ANK1: variants seen among roughly 807,000 people sequenced by gnomAD.
ANK1 encodes the protein ankyrin-1.
ANK1 carries 51 observed loss-of-function variants against 210.4 expected under a neutral mutation model. The observed-to-expected ratio is 0.24, with a 90% CI of 0.19 to 0.31. The LOEUF (loss-of-function observed/expected upper bound fraction) is 0.31, where lower values mean the gene tolerates loss of function less well. Ranked by LOEUF, ANK1 falls within the 10% of genes least tolerant of loss-of-function variation. ANK1 has a pLI of 1.00. For missense variants in ANK1, 2,051 were observed against 2,504.4 expected, an observed-to-expected ratio of 0.82 and a Z score of 3.86; for synonymous variants, 967 against 1,025.9, an observed-to-expected ratio of 0.94 and a Z score of 1.10.
chr8:41,679,491 T>C (rs1233959560), intron 37 of ANK1, among the ~76,000 whole-genome samples: 1 of 151,810 alleles, frequency 6.6e-6, no homozygotes, highest in Non-Finnish European at 1.5e-5. Flanking sequence ...GTGTTCTATC[T>C]GTGCAACTGT....
intron 41 of ANK1, 129 bp downstream of exon 41, chr8:41,661,747 A>G (rs759035444): frequency 1.2e-6 from 2 of 1,608,418 alleles, no homozygotes; most frequent in South Asian, 2.2e-5. Flanking sequence ...GGCCCGGCAG[A>G]GCAAGGCAGC....
chr8:41,784,028 A>T (rs1391054261), intron 1 of ANK1, among the ~76,000 whole-genome samples: 1 of 150,088 alleles, frequency 6.7e-6, no homozygotes, highest in Non-Finnish European at 1.5e-5. Flanking sequence ...CAGCCTAGGC[A>T]GACTTGGTGG....
chr8:41,881,757 C>A (rs989993865), intron 1 of ANK1, among the ~76,000 whole-genome samples: 1 of 152,190 alleles, frequency 6.6e-6, no homozygotes, highest in East Asian at 1.9e-4. Context: ...AGACATGTGA[C>A]GTGAGCAAGG....
intron 1 of ANK1, among the ~76,000 whole-genome samples, chr8:41,894,029 T>C (rs1819961428): frequency 1.3e-5 from 2 of 152,070 alleles, no homozygotes; most frequent in South Asian, 4.1e-4. Flanking sequence ...CTGCTTGTGA[T>C]TTTCAATTTT....
intron 1 of ANK1, among the ~76,000 whole-genome samples, chr8:41,861,654 A>G (rs1339823694): frequency 6.6e-6 from 1 of 152,208 alleles, no homozygotes; most frequent in Non-Finnish European, 1.5e-5. Context: ...AGCAGACCCT[A>G]CTGAGTCCAT....
At chr8:41,735,388 C>T (rs780360501) in intron 2 of ANK1, among the ~76,000 whole-genome samples, 6 of 152,136 alleles carry the variant, frequency 3.9e-5, no homozygotes, top group Admixed American at 2.0e-4. Context: ...CCTCCTTCCC[C>T]GCCAGCAATT....
intron 16 of ANK1, 142 bp from the exon 17 acceptor site, chr8:41,709,117 TAAAC>T (rs111376912): frequency 8.1e-6 from 5 of 616,698 alleles, no homozygotes; most frequent in East Asian, 6.2e-5. Context: ...GCAATTTAGG[TAAAC>T]AAACAAACAA....
Position 41,686,452 on chromosome 8 carries a change from T to G in ANK1, c.4259-169A>C, listed in dbSNP as rs553331381. ...TTGGTCTTCCTTCTTATCAAGAAAT[T>G]CCTTATGAAATGCCAGCACCTATAC... On this transcript the variant is annotated intron_variant, in intron 35 of 42. Coordinates refer to ENST00000289734, the MANE Select transcript of ANK1 (RefSeq NM_000037.4). Among the ~76,000 whole-genome samples the G allele has an allele frequency of 7.9e-5, 12 of 152,268 alleles. No individual in the cohort carries two copies. In the East Asian group the frequency reaches 1.9e-3, roughly 25 times the overall value.
intron 8 of ANK1, 64 bp downstream of exon 8, chr8:41,723,471 G>T: frequency 6.4e-7 from 1 of 1,569,290 alleles, no homozygotes; most frequent in Non-Finnish European, 8.8e-7. Flanking sequence ...CCGCTGCTCT[G>T]GGTGAGGCTT....
chr8:41,696,476 G>T lies in ANK1; in HGVS notation c.2847C>A (p.Ile949=). Reference sequence around the variant, plus strand: ...TCTGGGGCTTGACCAGGCGGCAGGTGATGCGGGTGGGCGCTGCGCACGTCC... The same window carrying T: ...TCTGGGGCTTGACCAGGCGGCAGGTTATGCGGGTGGGCGCTGCGCACGTCC... ...PPRTCAAPTR[I]TCRLVKPQKL... The change falls in exon 26 of 43, where the codon ATC becomes ATA. Residue 949 remains isoleucine, a synonymous_variant. Transcript: ENST00000289734. 6.2e-7 allele frequency: 1 copy of T among 1,613,420 alleles called. No individual in the cohort carries two copies. Among genetic ancestry groups the T allele is most frequent in the Non-Finnish European group, 8.5e-7 (1 of 1,179,962 alleles).
At chr8:41,762,119 G>A (rs899394493) in intron 1 of ANK1, among the ~76,000 whole-genome samples, 2 of 152,156 alleles carry the variant, frequency 1.3e-5, no homozygotes, top group African/African-American at 2.4e-5. Flanking sequence ...CACTCATCTC[G>A]CTGTCCCCAC....
At chr8:41,706,405 A>G (rs1040191089) in intron 17 of ANK1, among the ~76,000 whole-genome samples, 164 bp from the exon 18 acceptor site, 2 of 152,212 alleles carry the variant, frequency 1.3e-5, no homozygotes, top group Admixed American at 6.5e-5. Context: ...TCCTTATCTA[A>G]AAAGTAAGGT....
At chr8:41,686,867 T>C (rs1019791410) in intron 35 of ANK1, among the ~76,000 whole-genome samples, 1 of 152,232 alleles carries the variant, frequency 6.6e-6, no homozygotes, top group African/African-American at 2.4e-5. Context: ...TTTATTGTTA[T>C]TGCTTTAGAA....
At chr8:41,885,559 A>C (rs2150834138) in intron 1 of ANK1, among the ~76,000 whole-genome samples, 1 of 152,302 alleles carries the variant, frequency 6.6e-6, no homozygotes, top group Non-Finnish European at 1.5e-5. Context: ...TGCTATCCCA[A>C]ATCAGAGGAG....
At chr8:41,868,001 AGGCGC>A (rs752076453) in intron 1 of ANK1, among the ~76,000 whole-genome samples, 65 of 152,184 alleles carry the variant, frequency 4.3e-4, no homozygotes, top group Non-Finnish European at 7.8e-4. Flanking sequence ...CTGGGATTAC[AGGCGC>A]CTGCCACCAA....
intron 1 of ANK1, among the ~76,000 whole-genome samples, chr8:41,796,417 T>C (rs1848736158): frequency 6.6e-6 from 1 of 151,750 alleles, no homozygotes; most frequent in Non-Finnish European, 1.5e-5. Flanking sequence ...TCTCCAAGAC[T>C]CACCCTGAAC....
chr8:41,673,188 G>A (rs201181127), intron 37 of ANK1, among the ~76,000 whole-genome samples: 50 of 152,220 alleles, frequency 3.3e-4, no homozygotes, highest in African/African-American at 1.1e-3. Flanking sequence ...GCTGGATGGC[G>A]AAGAGGAGAT....
At chr8:41,736,666 C>T (rs1346014380) in intron 2 of ANK1, among the ~76,000 whole-genome samples, 1 of 152,164 alleles carries the variant, frequency 6.6e-6, no homozygotes, top group South Asian at 2.1e-4. Context: ...ATCTGTGGGT[C>T]CTGAATGCAT....
At chr8:41,799,323 G>T (rs558185154), upstream of ANK1, among the ~76,000 whole-genome samples, 6 of 152,272 alleles carry the variant, frequency 3.9e-5, no homozygotes, top group African/African-American at 1.4e-4. Context: ...TCATGAGGGG[G>T]CAGCGTGGCA....
Sources: gnomAD v4.1 joint callset for allele counts (sites outside exome capture counted in the v4.1 genomes callset) on GRCh38, gnomAD v4.1.1 for gene constraint, MANE v1.5 for transcripts, NCBI Gene and HGNC (gene_info 2026-07-23, HGNC 2026-07-21) for gene names.